FARS2: variants seen among roughly 807,000 people sequenced by gnomAD.
The protein encoded by FARS2 is phenylalanine--tRNA ligase, mitochondrial.
FARS2 carries 40 observed loss-of-function variants against 46.4 expected under a neutral mutation model. The observed-to-expected ratio is 0.86, with a 90% CI of 0.67 to 1.12. The LOEUF (loss-of-function observed/expected upper bound fraction) is 1.12, where lower values mean the gene tolerates loss of function less well. Ranked by LOEUF, FARS2 falls within the 50% of genes most tolerant of loss-of-function variation. The probability of loss-of-function intolerance (pLI) is 0.00; values close to 1 mark genes in which losing one functional copy is unlikely to be tolerated. For missense variants in FARS2, 513 were observed against 567.9 expected (o/e 0.90, Z 0.98); for synonymous variants, 234 against 214.9 (o/e 1.09, Z -0.78).
chr6:5,491,162 ATT>A (rs1237272421), intron 4 of FARS2, among the ~76,000 whole-genome samples: 4 of 151,840 alleles, frequency 2.6e-5, no homozygotes, highest in African/African-American at 9.7e-5. Flanking sequence ...TTTGTTTTGC[ATT>A]TCTCTGTTGA....
intron 6 of FARS2, among the ~76,000 whole-genome samples, chr6:5,680,734 G>GT (rs1361430297): frequency 7.8e-6 from 1 of 128,302 alleles, no homozygotes; most frequent in Non-Finnish European, 1.6e-5. Flanking sequence ...AAGTACAGAC[G>GT]TTGTCTTTTT....
In FARS2 at chr6:5,752,878, C is replaced by A. The variant is rs142749491; in HGVS notation, c.1218-18413C>A. The stretch of plus-strand genomic sequence containing the variant: ...CCCACGCCTTGCCCTCCCCAAGACC[C>A]CCCCCAGGTCTCTCTCCCAGGTATG... On this transcript the variant is annotated intron_variant, in intron 6 of 6. Coordinates refer to ENST00000274680, the MANE Select transcript of FARS2 (RefSeq NM_006567.5). Among the ~76,000 whole-genome samples the A allele has an allele frequency of 5.2e-3, 792 of 152,190 alleles. 11 individuals are homozygous for A. The highest frequency in any genetic ancestry group is 0.018 in the African/African-American group (764 of 41,520).
At chr6:5,416,587 T>C (rs531696985) in intron 3 of FARS2, among the ~76,000 whole-genome samples, 1 of 152,340 alleles carries the variant, frequency 6.6e-6, no homozygotes, top group South Asian at 2.1e-4. Context: ...TTGTTCTTTT[T>C]TCAAAGTTAT....
At chr6:5,687,708 TA>T (rs1392867768) in intron 6 of FARS2, among the ~76,000 whole-genome samples, 22 of 152,354 alleles carry the variant, frequency 1.4e-4, no homozygotes, top group African/African-American at 5.3e-4. Flanking sequence ...ATATGAACTT[TA>T]AAGTAGTTTT....
intron 6 of FARS2, among the ~76,000 whole-genome samples, chr6:5,613,713 G>A (rs1054015076): frequency 7.9e-5 from 12 of 152,118 alleles, no homozygotes; most frequent in East Asian, 5.8e-4. Context: ...CTTACCACAC[G>A]CCAAGATCTA....
intron 6 of FARS2, among the ~76,000 whole-genome samples, chr6:5,716,039 A>G (rs752141247): frequency 2.6e-5 from 4 of 151,910 alleles, no homozygotes; most frequent in Non-Finnish European, 5.9e-5. Flanking sequence ...TCTAATTTTG[A>G]TTTGCATTTT....
intron 4 of FARS2, among the ~76,000 whole-genome samples, chr6:5,490,301 T>C (rs430568): frequency 0.025 from 3,753 of 152,334 alleles, 155 homozygotes; most frequent in African/African-American, 0.085. Flanking sequence ...AATCAGCTGA[T>C]GGACGTTTGG....
intron 6 of FARS2, among the ~76,000 whole-genome samples, chr6:5,632,955 T>C (rs1049566625): frequency 1.3e-5 from 2 of 151,888 alleles, no homozygotes; most frequent in Admixed American, 1.3e-4. Context: ...CTTCCATCCT[T>C]CCTTCCCTCC....
chr6:5,381,005 TATTTATTTATTA>T (rs551690665), intron 2 of FARS2, among the ~76,000 whole-genome samples: 11,846 of 147,302 alleles, frequency 0.08, 659 homozygotes, highest in Admixed American at 0.14. Context: ...TTTATTTATT[TATTTATTTATTA>T]TGAGACAGAG....
At chr6:5,546,647 A>G (rs1185897206) in intron 5 of FARS2, among the ~76,000 whole-genome samples, 2 of 151,856 alleles carry the variant, frequency 1.3e-5, no homozygotes, top group Non-Finnish European at 2.9e-5. Context: ...TAGAACTCTG[A>G]TGAAAGGTTT....
At chr6:5,426,604 G>A (rs114245580) in intron 3 of FARS2, among the ~76,000 whole-genome samples, 2,114 of 152,220 alleles carry the variant, frequency 0.014, 56 homozygotes, top group African/African-American at 0.048. Context: ...AAAAATCTCT[G>A]TTAATGTGTC....
intron 6 of FARS2, among the ~76,000 whole-genome samples, chr6:5,709,097 T>C (rs1238714852): frequency 6.6e-6 from 1 of 152,238 alleles, no homozygotes. Flanking sequence ...CATTTATGGT[T>C]GCTTCGCTAA....
At chr6:5,670,827 G>C (rs995213312) in intron 6 of FARS2, among the ~76,000 whole-genome samples, 5 of 152,152 alleles carry the variant, frequency 3.3e-5, no homozygotes, top group African/African-American at 1.2e-4. Flanking sequence ...AGCAGGCTCA[G>C]TTCTACTGAT....
At chr6:5,263,753 C>A (rs1765355648) in intron 1 of FARS2, among the ~76,000 whole-genome samples, 1 of 152,118 alleles carries the variant, frequency 6.6e-6, no homozygotes, top group Non-Finnish European at 1.5e-5. Context: ...TCATGTGTTA[C>A]CTTCTATTAA....
chr6:5,739,508 A>G (rs1168680981), intron 6 of FARS2, among the ~76,000 whole-genome samples: 1 of 152,212 alleles, frequency 6.6e-6, no homozygotes, highest in Admixed American at 6.5e-5. Flanking sequence ...AATTAATTCA[A>G]AATGGCTTAG....
chr6:5,364,739 A>C (rs1319721576), intron 1 of FARS2, among the ~76,000 whole-genome samples: 1 of 152,220 alleles, frequency 6.6e-6, no homozygotes, highest in Non-Finnish European at 1.5e-5. Context: ...TTATTTGTAA[A>C]AACAGACTAT....
At chr6:5,575,239 C>G (rs1026037261) in intron 5 of FARS2, among the ~76,000 whole-genome samples, 2 of 152,186 alleles carry the variant, frequency 1.3e-5, no homozygotes, top group East Asian at 3.8e-4. Flanking sequence ...AACAAGAATG[C>G]AGACCATAGA....
At chr6:5,473,545 C>A (rs2038031) in intron 4 of FARS2, among the ~76,000 whole-genome samples, 73,879 of 141,350 alleles carry the variant, frequency 0.52, 19,615 homozygotes, top group East Asian at 0.71. Context: ...AAAAAAAAAA[C>A]AAAAAAAAAA....
At chr6:5,439,209 G>T (rs922951327) in intron 4 of FARS2, among the ~76,000 whole-genome samples, 1 of 152,186 alleles carries the variant, frequency 6.6e-6, no homozygotes, top group African/African-American at 2.4e-5. Flanking sequence ...TTCTGTGCTG[G>T]TTGGAGTCTG....
Sources: allele counts gnomAD v4.1 joint callset (sites outside exome capture counted in the v4.1 genomes callset), GRCh38; gene constraint gnomAD v4.1.1; transcripts MANE v1.5; gene names NCBI Gene and HGNC (gene_info 2026-07-23, HGNC 2026-07-21).